BDKRB2: variants seen among roughly 807,000 people sequenced by gnomAD.
BDKRB2 encodes the protein B2 bradykinin receptor.
BDKRB2 carries 6 observed loss-of-function variants against 4.0 expected under a neutral mutation model. The observed-to-expected ratio is 1.49, with a 90% confidence interval of 0.81 to 2.93. BDKRB2 has a LOEUF of 2.93. BDKRB2 is among the 30% of genes most tolerant of loss of function. BDKRB2 has a pLI of 0.00. For missense variants in BDKRB2, 478 were observed against 520.1 expected (o/e 0.92, Z 0.79); for synonymous variants, 225 against 215.3 (o/e 1.05, Z -0.40).
At chr14:96,221,598 G>A (rs548383871) in intron 1 of BDKRB2, among the ~76,000 whole-genome samples, 36 of 152,088 alleles carry the variant, frequency 2.4e-4, no homozygotes, top group Non-Finnish European at 4.7e-4. Context: ...GGGTTGCCGG[G>A]GAGAGTCAGC....
chr14:96,237,545 A>G (rs1890965222), intron 2 of BDKRB2, among the ~76,000 whole-genome samples: 2 of 152,180 alleles, frequency 1.3e-5, no homozygotes, highest in Non-Finnish European at 1.5e-5. Flanking sequence ...TCTCCAACAC[A>G]TGGCTGACAT....
chr14:96,218,130 G>A (rs563745935), intron 1 of BDKRB2, among the ~76,000 whole-genome samples: 7 of 152,200 alleles, frequency 4.6e-5, no homozygotes, highest in East Asian at 1.9e-4. Flanking sequence ...TGCAGTGCCC[G>A]CTGCCACTAA....
intron 1 of BDKRB2, among the ~76,000 whole-genome samples, chr14:96,223,930 G>T (rs1439107739): frequency 6.6e-6 from 1 of 152,044 alleles, no homozygotes; most frequent in African/African-American, 2.4e-5. Context: ...AAAACCAGCT[G>T]TGAAGAAAGT....
intron 1 of BDKRB2, among the ~76,000 whole-genome samples, chr14:96,221,066 C>T (rs1396489158): frequency 6.6e-6 from 1 of 151,468 alleles, no homozygotes; most frequent in Non-Finnish European, 1.5e-5. Flanking sequence ...AGCTGTGTGA[C>T]TCTGGACAAG....
rs200981135 is a variant in BDKRB2, at chr14:96,243,386, C to A, written c.*1882C>A. 6 of 150,560 alleles carry A rather than the reference C, an allele frequency of 4.0e-5. No homozygotes were observed. The highest frequency in any genetic ancestry group is 7.4e-5 in the Non-Finnish European group (5 of 68,000). The allele number at this position is 150,560 out of a possible 1,614,324, so 9.3% of individuals were successfully genotyped here. A position where few individuals can be genotyped will look rare whatever the true frequency, so the allele number is the denominator to read the frequency against. On this transcript the variant is annotated 3_prime_UTR_variant, in exon 3 of 3. Transcript: ENST00000554311. ...GAGCTAGAACCTGGAGGGCTAGAAC[C>A]TGGAGGGCTAGAACCTAGAAGGGCT...
At chr14:96,213,327 G>A (rs1036930383) in intron 1 of BDKRB2, among the ~76,000 whole-genome samples, 1 of 152,168 alleles carries the variant, frequency 6.6e-6, no homozygotes, top group African/African-American at 2.4e-5. Flanking sequence ...GACAGGCAGA[G>A]ACCCAAGTGG....
chr14:96,221,686 C>T (rs759799028), intron 1 of BDKRB2, among the ~76,000 whole-genome samples: 1 of 151,916 alleles, frequency 6.6e-6, no homozygotes, highest in Non-Finnish European at 1.5e-5. Flanking sequence ...TTGTGGGGAA[C>T]CAGAGCGTCC....
At chr14:96,221,302 A>G (rs1264501422) in intron 1 of BDKRB2, among the ~76,000 whole-genome samples, 1 of 152,146 alleles carries the variant, frequency 6.6e-6, no homozygotes, top group Non-Finnish European at 1.5e-5. Context: ...AAATTTGTTG[A>G]ATGAATGCAA....
chr14:96,238,265 A>G (rs933796799), intron 2 of BDKRB2: 6 of 422,302 alleles, frequency 1.4e-5, no homozygotes, highest in Non-Finnish European at 1.9e-5. Context: ...GTATCCTCAC[A>G]TGGCGGCTCA....
chr14:96,213,025 G>A (rs1890336718), intron 1 of BDKRB2, among the ~76,000 whole-genome samples: 1 of 152,044 alleles, frequency 6.6e-6, no homozygotes, highest in Non-Finnish European at 1.5e-5. Context: ...TTAGAAATTG[G>A]CACCAACTGG....
intron 2 of BDKRB2, chr14:96,238,341 T>C (rs1382879362): frequency 4.9e-6 from 3 of 610,572 alleles, no homozygotes; most frequent in Non-Finnish European, 4.1e-6. Flanking sequence ...TGACCTAGCC[T>C]CAGAAATCAC....
At chr14:96,228,724 C>T (rs1423334077) in intron 1 of BDKRB2, among the ~76,000 whole-genome samples, 1 of 152,190 alleles carries the variant, frequency 6.6e-6, no homozygotes. Context: ...GGGCCGTGGG[C>T]CCAGGCTTGT....
chr14:96,206,993 C>G (rs1890197746), intron 1 of BDKRB2, among the ~76,000 whole-genome samples: 1 of 152,080 alleles, frequency 6.6e-6, no homozygotes, highest in Admixed American at 6.5e-5. Context: ...TCCCAGGCCT[C>G]CTTTAAAGAC....
In BDKRB2 at chr14:96,240,138, T is replaced by C. The variant is rs556953402; in HGVS notation, c.75-265T>C. ...CACTTGAGATTGTTAGTGCTGTTGG[T>C]GGATACTGGCCAAGGAAATATCCCA... On this transcript the variant is annotated intron_variant, in intron 2 of 2. Coordinates refer to ENST00000554311, the MANE Select transcript of BDKRB2 (RefSeq NM_001379692.1). 144 of 1,191,502 alleles carry C rather than the reference T, an allele frequency of 1.2e-4. No individual in the cohort carries two copies. In the African/African-American group the frequency reaches 2.1e-3, roughly 17 times the overall value. 73.8% of individuals were successfully genotyped at this position (1,191,502 alleles called of 1,614,324 possible). A position where few individuals can be genotyped will look rare whatever the true frequency, so the allele number is the denominator to read the frequency against.
rs567511583 is a variant in BDKRB2 at position 96,205,068 on chromosome 14, G to A, written c.-40+109G>A. 5.7e-4 allele frequency: 95 copies of A among 165,760 alleles called. 1 individual carries two copies. The South Asian group carries it at 0.01, about 18-fold the overall frequency. The allele number at this position is 165,760 out of a possible 1,614,324, so 10.3% of individuals were successfully genotyped here. A position where few individuals can be genotyped will look rare whatever the true frequency, so the allele number is the denominator to read the frequency against. ...GCAGGCAGCGGGGAGAAGTTTCCCT[G>A]TGGTCGTGGGGAGTTGGGAAAAGTT... On this transcript the variant is annotated intron_variant, in intron 1 of 2. Transcript: ENST00000554311.
At chr14:96,220,894 C>T (rs181633879) in intron 1 of BDKRB2, among the ~76,000 whole-genome samples, 1 of 152,060 alleles carries the variant, frequency 6.6e-6, no homozygotes, top group Non-Finnish European at 1.5e-5. Context: ...TCATCTCCCC[C>T]ACGAAGCCTC....
Position 96,241,722 on chromosome 14 carries a change from A to G in BDKRB2, c.*218A>G, listed in dbSNP as rs1885299691. 1 of 631,296 alleles carries G rather than the reference A, an allele frequency of 1.6e-6. No individual in the cohort carries two copies. Among genetic ancestry groups the G allele is most frequent in the Non-Finnish European group, 2.4e-6 (1 of 416,966 alleles). 39.1% of individuals were successfully genotyped at this position (631,296 alleles called of 1,614,324 possible). On this transcript the variant is annotated 3_prime_UTR_variant, in exon 3 of 3. Transcript: ENST00000554311. The stretch of plus-strand genomic sequence containing the variant: ...AACTCACGCACAGCCAAGGACTCCA[A>G]AATCACAACAGCATTACTGTTCTTA...
chr14:96,231,005 G>C (rs1007772667), intron 1 of BDKRB2, among the ~76,000 whole-genome samples: 1 of 152,010 alleles, frequency 6.6e-6, no homozygotes. Context: ...AAATGAAATT[G>C]CTTATTTAAT....
chr14:96,229,391 C>A (rs893446804), intron 1 of BDKRB2, among the ~76,000 whole-genome samples: 1 of 152,060 alleles, frequency 6.6e-6, no homozygotes, highest in Non-Finnish European at 1.5e-5. Context: ...CTTGGGAATG[C>A]CAGAACACTC....
Sources: allele counts gnomAD v4.1 joint callset (sites outside exome capture counted in the v4.1 genomes callset), GRCh38; gene constraint gnomAD v4.1.1; transcripts MANE v1.5; gene names NCBI Gene and HGNC (gene_info 2026-07-23, HGNC 2026-07-21).